The following FBXO11 variants were observed in gnomAD, a reference collection of about 807,000 sequenced individuals.
The protein encoded by FBXO11 is F-box only protein 11.
Under a neutral mutation model 117.0 loss-of-function variants are expected in FBXO11, and 13 were observed. The observed-to-expected ratio is 0.11, with a 90% CI of 0.07 to 0.18. The LOEUF (loss-of-function observed/expected upper bound fraction) is 0.18, where lower values mean the gene tolerates loss of function less well. Among genes scored for constraint, FBXO11 ranks in the 10% least tolerant of loss-of-function variants. The pLI, the probability that FBXO11 is intolerant of heterozygous loss-of-function variation, is 1.00. For missense variants in FBXO11, 767 were observed against 1,164.4 expected (o/e 0.66, Z 4.97); for synonymous variants, 490 against 380.5 (o/e 1.29, Z -3.35).
chr2:47,887,644 G>A (rs1240436094), intron 1 of FBXO11, among the ~76,000 whole-genome samples: 3 of 151,932 alleles, frequency 2.0e-5, no homozygotes, highest in Non-Finnish European at 2.9e-5. Context: ...GCGAACTGCT[G>A]GAGCCCAGGA....
chr2:47,882,875 C>G (rs1365387600), intron 1 of FBXO11, among the ~76,000 whole-genome samples: 1 of 152,164 alleles, frequency 6.6e-6, no homozygotes, highest in Non-Finnish European at 1.5e-5. Flanking sequence ...TCTCAAACTC[C>G]TGAGCTCAAG....
chr2:47,874,343 T>C (rs1043602427), intron 1 of FBXO11, among the ~76,000 whole-genome samples: 3 of 152,172 alleles, frequency 2.0e-5, no homozygotes, highest in Non-Finnish European at 4.4e-5. Flanking sequence ...TTTCCTCTCA[T>C]GCTTTAACCC....
At chr2:47,904,692 C>T (rs911398138) in intron 1 of FBXO11, among the ~76,000 whole-genome samples, 1 of 151,380 alleles carries the variant, frequency 6.6e-6, no homozygotes, top group Non-Finnish European at 1.5e-5. Flanking sequence ...AGTAGCACCG[C>T]GGCATGGGGG....
At chr2:47,877,719 T>C (rs1318650331) in intron 1 of FBXO11, among the ~76,000 whole-genome samples, 2 of 152,160 alleles carry the variant, frequency 1.3e-5, no homozygotes, top group African/African-American at 4.8e-5. Flanking sequence ...GAGTCTCGCT[T>C]TGTCGCCCAG....
chr2:47,832,824 A>G lies in FBXO11; in HGVS notation c.1098T>C (p.Ile366=). ...CAATAATAGGGCTACAATTTACTGTAATCTCTAAGCAGTGGTGTGCATTGT... is the reference window on the plus strand; with the variant it reads ...CAATAATAGGGCTACAATTTACTGTGATCTCTAAGCAGTGGTGTGCATTGT... ...QHHNAHHCLE[I]TVNCSPIIDH... The change falls in exon 9 of 23, where the codon ATT becomes ATC. Residue 366 remains isoleucine (I), a synonymous_variant. Coordinates refer to ENST00000403359, the MANE Select transcript of FBXO11 (RefSeq NM_001190274.2). 8 of 1,614,090 alleles carry G rather than the reference A, an allele frequency of 5.0e-6. No individual in the cohort carries two copies. The highest frequency in any genetic ancestry group is 6.8e-6 in the Non-Finnish European group (8 of 1,179,952).
rs7588374 is a variant in FBXO11 at position 47,859,737 on chromosome 2, T to G, written c.233-19968A>C. On this transcript the variant is annotated intron_variant, in intron 1 of 22. Transcript: ENST00000403359. ...CTTTAATCATTTTGATTAAAAATAT[T>G]TCCAAACCCAATTATGTTGTCTTTT... is the stretch of plus-strand genomic sequence containing the variant. Among the ~76,000 whole-genome samples the G allele has an allele frequency of 5.9e-3, 894 of 152,330 alleles. 6 individuals carry two copies. The highest frequency in any genetic ancestry group is 0.02 in the African/African-American group (831 of 41,570).
At position 47,818,037 on chromosome 2, in the gene FBXO11, C is replaced by T. The variant is rs1156229224; in HGVS notation, c.2006+742G>A. On this transcript the variant is annotated intron_variant, in intron 16 of 22. Coordinates refer to ENST00000403359, the MANE Select transcript of FBXO11 (RefSeq NM_001190274.2). ...TGGCACAAGCCTGTAATCCCAGCTACTTGGGAGGCTGAGGTTGCGGTGAGC... is the reference window on the plus strand; with the variant it reads ...TGGCACAAGCCTGTAATCCCAGCTATTTGGGAGGCTGAGGTTGCGGTGAGC... Among the ~76,000 whole-genome samples the T allele has an allele frequency of 2.6e-5, 4 of 152,278 alleles. No homozygotes were observed. In the East Asian group the frequency reaches 7.7e-4, roughly 29 times the overall value.
chr2:47,903,524 GC>G (rs1402381906), intron 1 of FBXO11, among the ~76,000 whole-genome samples: 1 of 152,118 alleles, frequency 6.6e-6, no homozygotes, highest in Non-Finnish European at 1.5e-5. Flanking sequence ...GACCTCAGTA[GC>G]TAATAATTTT....
At chr2:47,887,478 AG>A (rs1382371651) in intron 1 of FBXO11, among the ~76,000 whole-genome samples, 5 of 152,122 alleles carry the variant, frequency 3.3e-5, no homozygotes, top group African/African-American at 1.2e-4. Flanking sequence ...CTGTAATCCC[AG>A]CACTTTGTGA....
chr2:47,899,313 CA>C (rs1002649362), intron 1 of FBXO11, among the ~76,000 whole-genome samples: 3 of 148,450 alleles, frequency 2.0e-5, no homozygotes, highest in Non-Finnish European at 4.5e-5. Context: ...TAAGCTTCAA[CA>C]AATCAGTTTC....
chr2:47,876,872 C>T (rs1322062484), intron 1 of FBXO11, among the ~76,000 whole-genome samples: 2 of 151,982 alleles, frequency 1.3e-5, no homozygotes, highest in Non-Finnish European at 2.9e-5. Flanking sequence ...CCTAAAATTT[C>T]TTTTGAATAT....
Position 47,905,938 on chromosome 2 carries a change from G to A in FBXO11, c.-218C>T, listed in dbSNP as rs1359974022. On this transcript the variant is annotated 5_prime_UTR_variant, in exon 1 of 23. Transcript: ENST00000403359. ...ACGGAGACCGAGCGAGGCCGGCCGGGAGGGCCTGACGCACGGGGAAGGCCG... is the reference window on the plus strand; with the variant it reads ...ACGGAGACCGAGCGAGGCCGGCCGGAAGGGCCTGACGCACGGGGAAGGCCG... 1 of 498,234 alleles carries A rather than the reference G, an allele frequency of 2.0e-6. No homozygotes were observed. Among genetic ancestry groups the A allele is most frequent in the East Asian group, 3.7e-5 (1 of 27,348 alleles). 30.9% of individuals were successfully genotyped at this position (498,234 alleles called of 1,614,324 possible).
intron 1 of FBXO11, among the ~76,000 whole-genome samples, chr2:47,898,005 C>T (rs1677806178): frequency 6.6e-6 from 1 of 152,098 alleles, no homozygotes; most frequent in Non-Finnish European, 1.5e-5. Flanking sequence ...GTTTAGTCAC[C>T]ACATGGAAGA....
At chr2:47,844,244 C>T (rs967716588) in intron 1 of FBXO11, among the ~76,000 whole-genome samples, 1 of 152,100 alleles carries the variant, frequency 6.6e-6, no homozygotes. Flanking sequence ...CTTCTTTTAT[C>T]CCTTCAATCA....
At chr2:47,816,311 C>A (rs1186082891) in intron 16 of FBXO11, among the ~76,000 whole-genome samples, 1 of 152,182 alleles carries the variant, frequency 6.6e-6, no homozygotes, top group Admixed American at 6.6e-5. Flanking sequence ...TTCCGGGTAG[C>A]TGGGACCACA....
At chr2:47,825,499 C>T (rs1233282311) in intron 11 of FBXO11, among the ~76,000 whole-genome samples, 1 of 148,866 alleles carries the variant, frequency 6.7e-6, no homozygotes, top group East Asian at 2.0e-4. Flanking sequence ...GGAGGGAGCA[C>T]AATTAGTATA....
intron 1 of FBXO11, among the ~76,000 whole-genome samples, chr2:47,846,337 C>T (rs933903812): frequency 1.6e-4 from 24 of 152,156 alleles, no homozygotes; most frequent in Admixed American, 1.0e-3. Flanking sequence ...TTTGGTGGCG[C>T]ATGCCTGTAA....
chr2:47,849,017 C>A (rs1168101204), intron 1 of FBXO11, among the ~76,000 whole-genome samples: 1 of 152,130 alleles, frequency 6.6e-6, no homozygotes, highest in Non-Finnish European at 1.5e-5. Flanking sequence ...AGTCACAGAT[C>A]AGATTGGAAA....
chr2:47,814,267 G>C (rs1383855038), intron 16 of FBXO11: 1 of 163,724 alleles, frequency 6.1e-6, no homozygotes, highest in Non-Finnish European at 1.3e-5. Flanking sequence ...TTATACTGTA[G>C]TCTATTAAGT....
Sources: allele counts gnomAD v4.1 joint callset (sites outside exome capture counted in the v4.1 genomes callset), GRCh38; gene constraint gnomAD v4.1.1; transcripts MANE v1.5; gene names NCBI Gene and HGNC (gene_info 2026-07-23, HGNC 2026-07-21).